CTNNA3: variants seen among roughly 807,000 people sequenced by gnomAD.
CTNNA3 encodes the protein catenin alpha 3.
In CTNNA3, 76 loss-of-function variants were observed where a neutral mutation model predicts 95.7. That is an observed-to-expected ratio of 0.79 (90% CI 0.66 to 0.96). The LOEUF is 0.96. Among genes scored for constraint, CTNNA3 ranks in the 40% least tolerant of loss-of-function variants. The pLI, the probability that CTNNA3 is intolerant of heterozygous loss-of-function variation, is 0.00. For missense variants in CTNNA3, 1,191 were observed against 1,089.8 expected (o/e 1.09, Z -1.31); for synonymous variants, 431 against 374.4 (o/e 1.15, Z -1.74).
intron 5 of CTNNA3, among the ~76,000 whole-genome samples, chr10:67,343,948 A>ATATTT (rs1438612535): frequency 2.0e-5 from 3 of 147,894 alleles, no homozygotes; most frequent in African/African-American, 7.3e-5. Context: ...TATATTAATT[A>ATATTT]TACTTTATTT....
At chr10:66,408,725 C>T (rs2093076758) in intron 11 of CTNNA3, among the ~76,000 whole-genome samples, 1 of 152,096 alleles carries the variant, frequency 6.6e-6, no homozygotes, top group Non-Finnish European at 1.5e-5. Flanking sequence ...GAAATTCACA[C>T]TAAAATGTCA....
At chr10:67,374,203 A>C (rs921757153) in intron 5 of CTNNA3, among the ~76,000 whole-genome samples, 1 of 152,060 alleles carries the variant, frequency 6.6e-6, no homozygotes, top group Non-Finnish European at 1.5e-5. Flanking sequence ...CGATTACTCA[A>C]CTCTGCTTTT....
At chr10:67,739,289 GA>G (rs1841321318) in intron 1 of CTNNA3, among the ~76,000 whole-genome samples, 2 of 152,288 alleles carry the variant, frequency 1.3e-5, no homozygotes, top group Admixed American at 6.5e-5. Flanking sequence ...CATTCTTAAA[GA>G]AAAGAATTTT....
intron 5 of CTNNA3, among the ~76,000 whole-genome samples, chr10:67,303,918 A>G (rs1365948172): frequency 6.6e-6 from 1 of 152,144 alleles, no homozygotes. Context: ...CCATTCACCC[A>G]CAAGCTACAA....
chr10:66,484,442 T>C (rs1466549386), intron 11 of CTNNA3, among the ~76,000 whole-genome samples: 1 of 151,898 alleles, frequency 6.6e-6, no homozygotes, highest in East Asian at 1.9e-4. Context: ...TATTTTAGGA[T>C]ATAAAAAAGA....
chr10:66,557,677 A>T (rs921449110), intron 10 of CTNNA3, among the ~76,000 whole-genome samples: 1 of 152,118 alleles, frequency 6.6e-6, no homozygotes, highest in African/African-American at 2.4e-5. Context: ...CTCACACATA[A>T]GTATACTCCC....
intron 6 of CTNNA3, among the ~76,000 whole-genome samples, chr10:67,208,143 TG>T (rs1863984019): frequency 6.6e-6 from 1 of 151,820 alleles, no homozygotes; most frequent in Non-Finnish European, 1.5e-5. Context: ...GAGGCTGAGG[TG>T]GGTGGATCAC....
intron 7 of CTNNA3, among the ~76,000 whole-genome samples, chr10:66,855,756 G>C (rs1467197069): frequency 6.6e-6 from 1 of 152,112 alleles, no homozygotes; most frequent in Non-Finnish European, 1.5e-5. Context: ...CATTAAAAGA[G>C]CTAAAGGTTC....
intron 7 of CTNNA3, among the ~76,000 whole-genome samples, chr10:66,852,976 G>C (rs752159585): frequency 1.3e-5 from 2 of 152,192 alleles, no homozygotes; most frequent in East Asian, 3.8e-4. Context: ...GTTTAAGACA[G>C]AGGTCAGCCA....
chr10:67,753,344 T>C (rs902104192), intron 1 of CTNNA3, among the ~76,000 whole-genome samples: 8 of 152,044 alleles, frequency 5.3e-5, no homozygotes, highest in Admixed American at 2.0e-4. Context: ...AAGACTTAAA[T>C]GTAAAACCAA....
At chr10:66,504,294 G>C (rs1466080496) in intron 11 of CTNNA3, among the ~76,000 whole-genome samples, 1 of 152,092 alleles carries the variant, frequency 6.6e-6, no homozygotes, top group African/African-American at 2.4e-5. Context: ...ACTCCTAGAT[G>C]CATTTTAAAA....
chr10:66,284,734 C>G (rs1170406085), intron 12 of CTNNA3, among the ~76,000 whole-genome samples: 1 of 151,748 alleles, frequency 6.6e-6, no homozygotes, highest in Admixed American at 6.6e-5. Context: ...ATTAATAAAG[C>G]CCAGATTAAA....
At chr10:66,680,641 T>C (rs1847035163) in intron 9 of CTNNA3, among the ~76,000 whole-genome samples, 1 of 152,150 alleles carries the variant, frequency 6.6e-6, no homozygotes, top group Non-Finnish European at 1.5e-5. Flanking sequence ...ACAACTTTCT[T>C]CAAGATGCAT....
At chr10:67,344,289 T>C (rs1425515735) in intron 5 of CTNNA3, among the ~76,000 whole-genome samples, 1 of 152,110 alleles carries the variant, frequency 6.6e-6, no homozygotes, top group African/African-American at 2.4e-5. Flanking sequence ...GATATTGGCC[T>C]GTAGTTTTCT....
intron 10 of CTNNA3, among the ~76,000 whole-genome samples, chr10:66,584,432 T>C (rs1843293797): frequency 6.6e-6 from 1 of 152,000 alleles, no homozygotes; most frequent in Admixed American, 6.6e-5. Context: ...AATTACATAA[T>C]GACCTTCTTT....
At chr10:66,914,130 C>CTTTTTTTTTTTTTTCTTTTTT in intron 7 of CTNNA3, among the ~76,000 whole-genome samples, 1 of 120,256 alleles carries the variant, frequency 8.3e-6, no homozygotes, top group African/African-American at 3.1e-5. Flanking sequence ...AGGGTGCCTT[C>CTTTTTTTTTTTTTTCTTTTTT]TTTTTTTTTT....
chr10:66,802,635 G>C (rs1373145100), intron 7 of CTNNA3, among the ~76,000 whole-genome samples: 1 of 151,456 alleles, frequency 6.6e-6, no homozygotes, highest in Non-Finnish European at 1.5e-5. Flanking sequence ...TACCCAGCAT[G>C]TGTCCAAGAA....
chr10:67,390,344 G>T (rs1293293318), intron 5 of CTNNA3, among the ~76,000 whole-genome samples: 3 of 152,122 alleles, frequency 2.0e-5, no homozygotes, highest in Admixed American at 2.0e-4. Context: ...ACTCTCCCAA[G>T]ACTAAACCAG....
intron 11 of CTNNA3, among the ~76,000 whole-genome samples, chr10:66,439,974 T>C (rs781356726): frequency 1.3e-5 from 2 of 152,174 alleles, no homozygotes; most frequent in African/African-American, 2.4e-5. Context: ...TAAAATCACA[T>C]GAATGTGTAA....
Sources: allele counts gnomAD v4.1 joint callset (sites outside exome capture counted in the v4.1 genomes callset), GRCh38; gene constraint gnomAD v4.1.1; transcripts MANE v1.5; gene names NCBI Gene and HGNC (gene_info 2026-07-23, HGNC 2026-07-21).